The following THSD4 variants were observed in gnomAD, a reference collection of about 807,000 sequenced individuals.
THSD4 encodes thrombospondin type-1 domain-containing protein 4.
Under a neutral mutation model 119.0 loss-of-function variants are expected in THSD4, and 69 were observed. The observed-to-expected ratio is 0.58, with a 90% CI of 0.48 to 0.71. The LOEUF (loss-of-function observed/expected upper bound fraction) is 0.71. THSD4 is among the 30% of genes least tolerant of loss of function. THSD4 has a pLI of 0.00. For synonymous variants in THSD4, 524 were observed against 540.4 expected, an observed-to-expected ratio of 0.97 and a Z score of 0.42; for missense variants, 1,393 against 1,391.1, an observed-to-expected ratio of 1.00 and a Z score of -0.02.
intron 7 of THSD4, among the ~76,000 whole-genome samples, chr15:71,520,114 T>C (rs1042428277): frequency 3.3e-5 from 5 of 152,280 alleles, no homozygotes; most frequent in Middle Eastern, 6.8e-3. Flanking sequence ...CCATATCACA[T>C]AGGAAACTGA....
At chr15:71,267,060 C>A (rs1384496441) in intron 6 of THSD4, among the ~76,000 whole-genome samples, 1 of 152,134 alleles carries the variant, frequency 6.6e-6, no homozygotes, top group South Asian at 2.1e-4. Context: ...TCCAGGGGAA[C>A]TTCCCCAACC....
At chr15:71,745,285 C>G in intron 12 of THSD4, 50 bp downstream of exon 12, 1 of 1,602,766 alleles carries the variant, frequency 6.2e-7, no homozygotes, top group Non-Finnish European at 8.5e-7. Flanking sequence ...CACTTCAGGT[C>G]ACTTATGCAC....
intron 7 of THSD4, among the ~76,000 whole-genome samples, chr15:71,464,315 C>T (rs1355497733): frequency 6.6e-6 from 1 of 152,186 alleles, no homozygotes; most frequent in Admixed American, 6.5e-5. Flanking sequence ...CGGTGGGTGG[C>T]CATATAGATG....
intron 5 of THSD4, among the ~76,000 whole-genome samples, chr15:71,251,665 C>A (rs925520207): frequency 6.6e-6 from 1 of 152,130 alleles, no homozygotes; most frequent in Non-Finnish European, 1.5e-5. Context: ...ACATATCTGA[C>A]GCAGGCAGCC....
chr15:71,513,812 T>G (rs2048316226), intron 7 of THSD4, among the ~76,000 whole-genome samples: 1 of 152,230 alleles, frequency 6.6e-6, no homozygotes, highest in South Asian at 2.1e-4. Flanking sequence ...AGATAAGTTG[T>G]GGCTTCTGCA....
At chr15:71,596,151 A>G (rs2049903023) in intron 7 of THSD4, among the ~76,000 whole-genome samples, 1 of 152,190 alleles carries the variant, frequency 6.6e-6, no homozygotes, top group Admixed American at 6.5e-5. Context: ...TATTAAAAAC[A>G]TGTCTTTAGA....
At chr15:71,707,692 G>A (rs919303478) in intron 8 of THSD4, among the ~76,000 whole-genome samples, 1 of 152,072 alleles carries the variant, frequency 6.6e-6, no homozygotes, top group Admixed American at 6.6e-5. Flanking sequence ...TAGCTCACTG[G>A]CCTGGGGTTG....
chr15:71,743,343 A>G (rs1387086665), intron 11 of THSD4, among the ~76,000 whole-genome samples: 2 of 152,196 alleles, frequency 1.3e-5, no homozygotes, highest in Non-Finnish European at 2.9e-5. Context: ...TTTCCTATCC[A>G]CAAACATCTA....
In THSD4 at chr15:71,656,110, G is replaced by A. The variant is rs577212419; in HGVS notation, c.1153-4420G>A. On this transcript the variant is annotated intron_variant, in intron 7 of 17. Transcript: ENST00000261862. ...CAGCTGTGTTTTGGAGGAGACTATC[G>A]GCTGCTTTAAAGAAAGTCATAGCAC... Among the ~76,000 whole-genome samples the A allele has an allele frequency of 1.1e-4, 16 of 152,058 alleles. No individual in the cohort carries two copies. In the East Asian group the frequency reaches 2.1e-3, roughly 20 times the overall value.
intron 6 of THSD4, among the ~76,000 whole-genome samples, chr15:71,393,218 C>T (rs1376726575): frequency 1.3e-5 from 2 of 151,476 alleles, no homozygotes; most frequent in African/African-American, 2.4e-5. Context: ...GAGGGGCCCG[C>T]CCCTGCCTTT....
At position 71,680,005 on chromosome 15, in the gene THSD4, C is replaced by T. The variant is rs1041750196; in HGVS notation, c.1357+19271C>T. On this transcript the variant is annotated intron_variant, in intron 8 of 17. Transcript: ENST00000261862. The stretch of plus-strand genomic sequence containing the variant: ...GGTTGAGCACCTTATGATAGAAGAA[C>T]GTAATACACACCACAGTATTGCTAC... Among the ~76,000 whole-genome samples the T allele has an allele frequency of 7.2e-5, 11 of 152,226 alleles. No individual in the cohort carries two copies. In the South Asian group the frequency reaches 1.0e-3, roughly 14 times the overall value.
chr15:71,376,249 AAGGCAGTGCTC>A (rs11267729), intron 6 of THSD4, among the ~76,000 whole-genome samples: 55,065 of 151,738 alleles, frequency 0.36, 10,078 homozygotes, highest in South Asian at 0.45. Flanking sequence ...GGACAAGATG[AAGGCAGTGCTC>A]AGGTCTGAGG....
chr15:71,548,202 G>A (rs1235244262), intron 7 of THSD4, among the ~76,000 whole-genome samples: 2 of 151,436 alleles, frequency 1.3e-5, no homozygotes, highest in African/African-American at 2.4e-5. Context: ...GAAGCACCTT[G>A]GTGTATCCAC....
chr15:71,316,558 T>C lies in THSD4; in HGVS notation c.1015+59843T>C, dbSNP rs1221387535. On this transcript the variant is annotated intron_variant, in intron 6 of 17. Coordinates refer to ENST00000261862, the MANE Select transcript of THSD4 (RefSeq NM_024817.3). ...TAGGTGTCATTTGGCTCCTTAAATA[T>C]ACTACACACCAACCTAGGCCTTAGG... 4.6e-5 allele frequency among the ~76,000 whole-genome samples: 7 copies of C among 152,298 alleles called. No homozygotes were observed. The East Asian group carries it at 1.2e-3, about 25-fold the overall frequency.
chr15:71,693,727 T>C (rs181494547), intron 8 of THSD4, among the ~76,000 whole-genome samples: 1 of 152,276 alleles, frequency 6.6e-6, no homozygotes, highest in African/African-American at 2.4e-5. Flanking sequence ...TCCCCTATGC[T>C]GTTCTCATGG....
At chr15:71,470,088 A>G (rs1043364500) in intron 7 of THSD4, among the ~76,000 whole-genome samples, 2 of 152,246 alleles carry the variant, frequency 1.3e-5, no homozygotes, top group African/African-American at 2.4e-5. Context: ...TGTTCAGGCA[A>G]TAAGTATAAG....
chr15:71,762,351 C>A (rs2053641371), intron 15 of THSD4, among the ~76,000 whole-genome samples: 2 of 152,224 alleles, frequency 1.3e-5, no homozygotes, highest in Non-Finnish European at 2.9e-5. Flanking sequence ...AAGTTTTGAT[C>A]AAAGTTTGCA....
intron 7 of THSD4, among the ~76,000 whole-genome samples, chr15:71,648,052 A>G (rs1197854947): frequency 1.3e-5 from 2 of 152,212 alleles, no homozygotes; most frequent in East Asian, 3.9e-4. Flanking sequence ...AGACAATACA[A>G]CTAGCAGAGG....
At chr15:71,328,100 G>A (rs2045370438) in intron 6 of THSD4, among the ~76,000 whole-genome samples, 1 of 152,198 alleles carries the variant, frequency 6.6e-6, no homozygotes, top group South Asian at 2.1e-4. Flanking sequence ...GTTCACTGCT[G>A]CATTCTGCTG....
Sources: gnomAD v4.1 joint callset for allele counts (sites outside exome capture counted in the v4.1 genomes callset) on GRCh38, gnomAD v4.1.1 for gene constraint, MANE v1.5 for transcripts, NCBI Gene and HGNC (gene_info 2026-07-23, HGNC 2026-07-21) for gene names.